The following CTNND2 variants were observed in gnomAD, a reference collection of about 807,000 sequenced individuals.
CTNND2 encodes the protein catenin delta-2.
In CTNND2, 22 loss-of-function variants were observed where a neutral mutation model predicts 144.4. The observed-to-expected ratio is 0.15, with a 90% CI of 0.11 to 0.22. The LOEUF (loss-of-function observed/expected upper bound fraction) is 0.22. CTNND2 is among the 10% of genes least tolerant of loss of function. The pLI, the probability that CTNND2 is intolerant of heterozygous loss-of-function variation, is 1.00. For missense variants in CTNND2, 1,353 were observed against 1,618.8 expected (o/e 0.84, Z 2.82); for synonymous variants, 751 against 695.6 (o/e 1.08, Z -1.25).
intron 10 of CTNND2, among the ~76,000 whole-genome samples, chr5:11,228,353 C>CAAAA (rs564048343): frequency 4.1e-4 from 11 of 26,734 alleles, no homozygotes; most frequent in South Asian, 2.1e-3. Context: ...CTCTCTCTCT[C>CAAAA]AAAAAAAAAA....
At chr5:11,433,180 A>G (rs1763450063) in intron 3 of CTNND2, among the ~76,000 whole-genome samples, 1 of 152,228 alleles carries the variant, frequency 6.6e-6, no homozygotes, top group South Asian at 2.1e-4. Context: ...CGGGAGACAG[A>G]GCTTGCAGTG....
In CTNND2 at chr5:11,384,601, C is replaced by T; in HGVS notation, c.1177+64G>A. ...CGGCTTCGCTTCTGCTCAAGCCGGG[C>T]TGCTGCTTCCGCGTCCCCGCCACGC... is the stretch of plus-strand genomic sequence containing the variant. On this transcript the variant is annotated intron_variant, in intron 7 of 21. Coordinates refer to ENST00000304623, the MANE Select transcript of CTNND2 (RefSeq NM_001332.4). The surrounding 1 kb of genome is among the most constrained non-coding windows in gnomAD (Gnocchi z 5.2). 4.7e-6 allele frequency: 7 copies of T among 1,481,262 alleles called. No individual in the cohort carries two copies. The highest frequency in any genetic ancestry group is 6.3e-6 in the Non-Finnish European group (7 of 1,104,000). 91.8% of individuals were successfully genotyped at this position (1,481,262 alleles called of 1,614,324 possible). A position where few individuals can be genotyped will look rare whatever the true frequency, so the allele number is the denominator to read the frequency against.
At position 11,307,367 on chromosome 5, in the gene CTNND2, C is replaced by T. The variant is rs151319581; in HGVS notation, c.1628+39005G>A. ...TGTACACAAGGGAATCGTCACAGGG[C>T]GCAATACACAGGGGCACTAGGGGAA... is the stretch of plus-strand genomic sequence containing the variant. On this transcript the variant is annotated intron_variant, in intron 9 of 21. Transcript: ENST00000304623. 4.6e-3 allele frequency among the ~76,000 whole-genome samples: 693 copies of T among 150,496 alleles called. 3 individuals are homozygous for T. Among genetic ancestry groups the T allele is most frequent in the Middle Eastern group, 0.017 (5 of 290 alleles).
At chr5:11,607,015 G>A (rs1780086325) in intron 2 of CTNND2, among the ~76,000 whole-genome samples, 1 of 152,208 alleles carries the variant, frequency 6.6e-6, no homozygotes, top group East Asian at 1.9e-4. Flanking sequence ...CTTGTAAAAA[G>A]GAGAAATTTA....
chr5:11,506,799 A>G (rs1212798072), intron 3 of CTNND2, among the ~76,000 whole-genome samples: 1 of 152,230 alleles, frequency 6.6e-6, no homozygotes, highest in Non-Finnish European at 1.5e-5. Context: ...CACTTGCTAG[A>G]TACCAGCTCA....
chr5:11,604,794 A>C (rs945766309), intron 2 of CTNND2, among the ~76,000 whole-genome samples: 8 of 152,292 alleles, frequency 5.3e-5, no homozygotes, highest in African/African-American at 1.9e-4. Context: ...TTATAATACC[A>C]AGTACATCAG....
chr5:11,712,951 A>G (rs1436490554), intron 2 of CTNND2, among the ~76,000 whole-genome samples: 1 of 152,210 alleles, frequency 6.6e-6, no homozygotes, highest in Non-Finnish European at 1.5e-5. Flanking sequence ...TAATATAGTC[A>G]TTCATAGTAT....
At chr5:11,219,969 A>C (rs1739620011) in intron 10 of CTNND2, among the ~76,000 whole-genome samples, 1 of 152,184 alleles carries the variant, frequency 6.6e-6, no homozygotes, top group Non-Finnish European at 1.5e-5. Context: ...TCCACTCACC[A>C]ATCATTGCCA....
At chr5:11,816,162 G>T (rs1792636412) in intron 1 of CTNND2, among the ~76,000 whole-genome samples, 1 of 152,226 alleles carries the variant, frequency 6.6e-6, no homozygotes, top group African/African-American at 2.4e-5. Flanking sequence ...AACACATGCA[G>T]TGTGGAGCAG....
At chr5:11,601,363 T>C (rs1779783844) in intron 2 of CTNND2, among the ~76,000 whole-genome samples, 1 of 152,094 alleles carries the variant, frequency 6.6e-6, no homozygotes, top group South Asian at 2.1e-4. Flanking sequence ...TGGAAAATGA[T>C]GTATTGCTCT....
intron 11 of CTNND2, among the ~76,000 whole-genome samples, chr5:11,181,648 C>T (rs1480303849): frequency 3.3e-5 from 5 of 151,080 alleles, no homozygotes; most frequent in East Asian, 2.0e-4. Flanking sequence ...CAGGAGGCTC[C>T]GTGTGTATGT....
At chr5:11,183,027 G>C (rs2149803311) in intron 11 of CTNND2, among the ~76,000 whole-genome samples, 1 of 152,266 alleles carries the variant, frequency 6.6e-6, no homozygotes, top group East Asian at 1.9e-4. Context: ...TTGCTTTTGG[G>C]AGAGTTGCCC....
At chr5:11,749,980 C>A (rs542043378) in intron 1 of CTNND2, among the ~76,000 whole-genome samples, 1 of 152,042 alleles carries the variant, frequency 6.6e-6, no homozygotes, top group South Asian at 2.1e-4. Context: ...AATTTTCTGG[C>A]AGGGTTTTTG....
chr5:11,528,986 G>A (rs1292585155), intron 3 of CTNND2, among the ~76,000 whole-genome samples: 1 of 152,186 alleles, frequency 6.6e-6, no homozygotes, highest in Non-Finnish European at 1.5e-5. Context: ...GCGTTGACAG[G>A]TATGGAGTGA....
At position 11,114,704 on chromosome 5, in the gene CTNND2, A is replaced by T. The variant is rs538412366; in HGVS notation, c.2277+2746T>A. 5.9e-5 allele frequency among the ~76,000 whole-genome samples: 9 copies of T among 152,294 alleles called. No individual in the cohort carries two copies. The South Asian group carries it at 1.9e-3, about 32-fold the overall frequency. ...TAGAGTGCTCCACTATATGTTATCC[A>T]GTCAACACACTGGCCCAATTATAGG... is the stretch of plus-strand genomic sequence containing the variant. On this transcript the variant is annotated intron_variant, in intron 13 of 21. Transcript: ENST00000304623.
chr5:11,142,581 G>T (rs557707343), intron 12 of CTNND2, among the ~76,000 whole-genome samples: 2 of 151,260 alleles, frequency 1.3e-5, no homozygotes, highest in Admixed American at 6.6e-5. Context: ...TGTGGTACTG[G>T]AAAAGGTTTG....
chr5:11,765,034 G>GCCCCCCC (rs35099305), intron 1 of CTNND2, among the ~76,000 whole-genome samples: 2 of 143,922 alleles, frequency 1.4e-5, no homozygotes, highest in African/African-American at 5.3e-5. Context: ...CATTAATCCT[G>GCCCCCCC]CCCCCCCCAC....
At chr5:11,516,541 C>A (rs1219631995) in intron 3 of CTNND2, among the ~76,000 whole-genome samples, 1 of 151,966 alleles carries the variant, frequency 6.6e-6, no homozygotes, top group South Asian at 2.1e-4. Flanking sequence ...CATTTCTATA[C>A]ACTAGAAATA....
Position 10,988,063 on chromosome 5 carries a change from C to A in CTNND2, c.3343+48G>T. The A allele has an allele frequency of 6.2e-7, 1 of 1,610,876 alleles. No homozygotes were observed. Among genetic ancestry groups the A allele is most frequent in the African/African-American group, 1.3e-5 (1 of 74,998 alleles). On this transcript the variant is annotated intron_variant, in intron 20 of 21. Transcript: ENST00000304623. This position sits in a 1 kb window ranked among gnomAD's most constrained non-coding sequence, Gnocchi z 5.9. The stretch of plus-strand genomic sequence containing the variant: ...GATGTCCCATATCTCTGCCTTGTCG[C>A]GGGTCAAGCCACCAAGTTCCAGGAG...
Sources: gnomAD v4.1 joint callset for allele counts (sites outside exome capture counted in the v4.1 genomes callset) on GRCh38, gnomAD v4.1.1 for gene constraint, Gnocchi (gnomAD v3.1) non-coding constraint, MANE v1.5 for transcripts, NCBI Gene and HGNC (gene_info 2026-07-23, HGNC 2026-07-21) for gene names.